ZDHHC13: variants seen among roughly 807,000 people sequenced by gnomAD.
ZDHHC13 encodes palmitoyltransferase ZDHHC13.
Under a neutral mutation model 86.0 loss-of-function variants are expected in ZDHHC13, and 85 were observed. That is an observed-to-expected ratio of 0.99 (90% CI 0.83 to 1.18). The LOEUF is 1.18. ZDHHC13 is among the 50% of genes most tolerant of loss of function. The pLI is 0.00. For missense variants in ZDHHC13, 711 were observed against 730.2 expected (o/e 0.97, Z 0.30); for synonymous variants, 263 against 246.4 (o/e 1.07, Z -0.63).
At chr11:19,120,616 T>C (rs770068124) in intron 1 of ZDHHC13, among the ~76,000 whole-genome samples, 34 of 152,234 alleles carry the variant, frequency 2.2e-4, no homozygotes, top group Non-Finnish European at 4.7e-4. Flanking sequence ...TGAGGCTATG[T>C]TGTAAAAATT....
In ZDHHC13 at chr11:19,165,150, G is replaced by C; in HGVS notation, c.1390+5G>C. ...TGTGGACTGGACGGTGCATAGGTGA[G>C]AGATTTAATTTTTCAATTACTACTG... On this transcript the variant is annotated splice_donor_5th_base_variant and intron_variant, in intron 13 of 16. Coordinates refer to ENST00000446113, the MANE Select transcript of ZDHHC13 (RefSeq NM_019028.3). The C allele has an allele frequency of 1.2e-6, 2 of 1,607,970 alleles. No individual in the cohort carries two copies. Among genetic ancestry groups the C allele is most frequent in the East Asian group, 4.5e-5 (2 of 44,758 alleles).
In ZDHHC13 at chr11:19,152,202, A is replaced by AGGAT. The variant is rs750278490; in HGVS notation, c.629_630insGGAT (p.Asn210LysfsTer5). The AGGAT allele has an allele frequency of 1.5e-5, 25 of 1,613,212 alleles. No homozygotes were observed. The South Asian group carries it at 2.6e-4, about 17-fold the overall frequency. Reference sequence around the variant, plus strand: ...CTTTTAAAGTTTAATCCTTCTCTCAATGTGGTTGATAAAATACACCAAAAC... The same window carrying AGGAT: ...CTTTTAAAGTTTAATCCTTCTCTCAAGGATTGTGGTTGATAAAATACACCAAAAC... On this transcript the variant is annotated frameshift_variant, in exon 7 of 17. Transcript: ENST00000446113. LOFTEE classifies it high-confidence loss of function.
chr11:19,168,858 A>G, intron 14 of ZDHHC13: 1 of 985,442 alleles, frequency 1.0e-6, no homozygotes, highest in Non-Finnish European at 1.2e-6. Flanking sequence ...AGTGACTCCA[A>G]AAGTGTCAGC....
intron 8 of ZDHHC13, among the ~76,000 whole-genome samples, chr11:19,154,657 T>C (rs1293337662): frequency 6.6e-6 from 1 of 152,196 alleles, no homozygotes; most frequent in African/African-American, 2.4e-5. Context: ...CCTGAATTAG[T>C]AGCATCATGA....
intron 1 of ZDHHC13, among the ~76,000 whole-genome samples, chr11:19,142,069 G>T (rs1849336116): frequency 6.6e-6 from 1 of 152,136 alleles, no homozygotes; most frequent in Admixed American, 6.6e-5. Context: ...GTTTCTGTTT[G>T]TCAGGAGTCT....
rs201231512 is a variant in ZDHHC13 at position 19,150,224 on chromosome 11, TG to T, written c.520-502del. Among the ~76,000 whole-genome samples, 75 of 152,272 alleles carry T rather than the reference TG, an allele frequency of 4.9e-4. 1 individual carries two copies. In the East Asian group the frequency reaches 0.013, roughly 25 times the overall value. On this transcript the variant is annotated intron_variant, in intron 5 of 16. Coordinates refer to ENST00000446113, the MANE Select transcript of ZDHHC13 (RefSeq NM_019028.3). Reference sequence around the variant, plus strand: ...AAATATGATTTCCTTTTTTTTTCTGTGTTCCAGAAAATAGAAAGGAAATTTT... The same window carrying T: ...AAATATGATTTCCTTTTTTTTTCTGTTTCCAGAAAATAGAAAGGAAATTTT...
chr11:19,163,862 T>C (rs1347578000), intron 11 of ZDHHC13, among the ~76,000 whole-genome samples: 1 of 152,196 alleles, frequency 6.6e-6, no homozygotes, highest in Non-Finnish European at 1.5e-5. Flanking sequence ...CCGTTGCTCA[T>C]GAATGTTTAG....
intron 2 of ZDHHC13, 125 bp downstream of exon 2, chr11:19,143,248 C>A: frequency 9.7e-7 from 1 of 1,034,898 alleles, no homozygotes; most frequent in Non-Finnish European, 1.4e-6. Flanking sequence ...ACACCAGCAC[C>A]AGTATATTTG....
chr11:19,135,332 G>A (rs1233245484), intron 1 of ZDHHC13, among the ~76,000 whole-genome samples: 2 of 152,220 alleles, frequency 1.3e-5, no homozygotes, highest in Non-Finnish European at 2.9e-5. Context: ...GGAAAATCGG[G>A]TCACTCCCAC....
intron 8 of ZDHHC13, among the ~76,000 whole-genome samples, chr11:19,154,908 G>A (rs554210992): frequency 7.9e-5 from 12 of 152,060 alleles, no homozygotes; most frequent in Non-Finnish European, 1.6e-4. Context: ...ATTCACTCAC[G>A]GCTTTACCAC....
chr11:19,121,569 A>G (rs1315118967), intron 1 of ZDHHC13, among the ~76,000 whole-genome samples: 1 of 152,180 alleles, frequency 6.6e-6, no homozygotes, highest in African/African-American at 2.4e-5. Flanking sequence ...GGTGTTCTTT[A>G]TATTTCCCTG....
At chr11:19,174,186 T>A (rs1049586791) in intron 16 of ZDHHC13, among the ~76,000 whole-genome samples, 2 of 152,134 alleles carry the variant, frequency 1.3e-5, no homozygotes, top group Non-Finnish European at 2.9e-5. Flanking sequence ...GACAAAGGGA[T>A]GATTTATGTC....
At chr11:19,170,318 C>T in intron 14 of ZDHHC13, 93 bp from the exon 15 acceptor site, 1 of 1,464,392 alleles carries the variant, frequency 6.8e-7, no homozygotes, top group Non-Finnish European at 8.9e-7. Context: ...TTTCTCTTCT[C>T]CCTATATAGA....
chr11:19,169,850 T>C, intron 14 of ZDHHC13: 1 of 985,762 alleles, frequency 1.0e-6, no homozygotes, highest in Non-Finnish European at 1.2e-6. Context: ...GTATCTGTCT[T>C]GTGAGTCCCT....
intron 1 of ZDHHC13, among the ~76,000 whole-genome samples, chr11:19,124,007 C>A (rs1343891248): frequency 3.3e-5 from 5 of 152,056 alleles, no homozygotes; most frequent in Non-Finnish European, 7.4e-5. Flanking sequence ...TTAAAATGCA[C>A]GTTTTTTGAC....
chr11:19,133,247 C>T (rs1449860980), intron 1 of ZDHHC13, among the ~76,000 whole-genome samples: 3 of 151,938 alleles, frequency 2.0e-5, no homozygotes, highest in Non-Finnish European at 4.4e-5. Context: ...GCACTCATAC[C>T]CTTCAGGGGA....
chr11:19,143,261 A>C, intron 2 of ZDHHC13, 138 bp downstream of exon 2: 1 of 907,894 alleles, frequency 1.1e-6, no homozygotes, highest in African/African-American at 1.7e-5. Context: ...TATATTTGTC[A>C]TACCAACACC....
At chr11:19,127,604 T>C (rs945368736) in intron 1 of ZDHHC13, among the ~76,000 whole-genome samples, 3 of 152,224 alleles carry the variant, frequency 2.0e-5, no homozygotes, top group African/African-American at 7.2e-5. Flanking sequence ...AAATCTTTGA[T>C]CTATCTTGAG....
intron 9 of ZDHHC13, among the ~76,000 whole-genome samples, chr11:19,157,290 A>G (rs1849782641): frequency 6.6e-6 from 1 of 152,226 alleles, no homozygotes; most frequent in African/African-American, 2.4e-5. Context: ...AGAAAAATGT[A>G]ATGATGATGA....
Sources: allele counts gnomAD v4.1 joint callset (sites outside exome capture counted in the v4.1 genomes callset), GRCh38; gene constraint gnomAD v4.1.1; transcripts MANE v1.5; gene names NCBI Gene and HGNC (gene_info 2026-07-23, HGNC 2026-07-21).